Variants in NTRK1 observed in about 807,000 individuals in gnomAD.
NTRK1 encodes neurotrophic receptor tyrosine kinase 1, also known as high affinity nerve growth factor receptor.
Under a neutral mutation model 86.8 loss-of-function variants are expected in NTRK1, and 62 were observed. The observed-to-expected ratio is 0.71, with a 90% CI of 0.58 to 0.88. The LOEUF (loss-of-function observed/expected upper bound fraction) is 0.88, where lower values mean the gene tolerates loss of function less well. Among genes scored for constraint, NTRK1 ranks in the 40% least tolerant of loss-of-function variants. The pLI, the probability that NTRK1 is intolerant of heterozygous loss-of-function variation, is 0.00. For synonymous variants in NTRK1, 469 were observed against 456.6 expected (o/e 1.03, Z -0.35); for missense variants, 967 against 1,078.4 (o/e 0.90, Z 1.45).
Position 156,875,629 on chromosome 1 carries a change from C to A in NTRK1, c.1464C>A (p.Gly488=), listed in dbSNP as rs1647856817. 1 of 1,613,424 alleles carries A rather than the reference C, an allele frequency of 6.2e-7. No individual in the cohort carries two copies. Among genetic ancestry groups the A allele is most frequent in the East Asian group, 2.2e-5 (1 of 44,818 alleles). The change falls in exon 12 of 17, where the codon GGC becomes GGA. Residue 488 remains glycine (G), a synonymous_variant. Coordinates refer to ENST00000524377, the MANE Select transcript of NTRK1 (RefSeq NM_002529.4). ...AGGGCAAAGGCTCTGGGCTCCAAGG[C>A]CACATCATCGAGAACCCACAATACT... ...PTEGKGSGLQ[G]HIIENPQYFS...
chr1:156,858,566 G>C, upstream of NTRK1: 1 of 1,614,044 alleles, frequency 6.2e-7, no homozygotes, highest in South Asian at 1.1e-5. Context: ...AAATCCCAAG[G>C]AGAGGAAGAT....
intron 16 of NTRK1, 139 bp downstream of exon 16, chr1:156,880,296 C>A (rs1040128273): frequency 6.0e-6 from 5 of 834,820 alleles, no homozygotes; most frequent in East Asian, 5.2e-5. Context: ...CGTGCCCACA[C>A]TGTGTCCCCT....
upstream of NTRK1, chr1:156,858,780 CAG>C: frequency 1.6e-6 from 1 of 628,272 alleles, no homozygotes; most frequent in Middle Eastern, 3.6e-4. Flanking sequence ...CAGCAGGAGA[CAG>C]AAAAAAAGAA....
chr1:156,851,759 C>T lies in NTRK1; in HGVS notation c.50+9566C>T, dbSNP rs771863438. 8.7e-6 allele frequency: 14 copies of T among 1,612,750 alleles called. No homozygotes were observed. In the South Asian group the frequency reaches 8.8e-5, roughly 10 times the overall value. ...GGTGCCTACCTTGCACTCTTTAGGG[C>T]ACAGCCCCTCGCACTTGTGGCAGAA... On this transcript the variant is annotated intron_variant, in intron 2 of 16. Coordinates refer to the NTRK1 transcript ENST00000392302.
At chr1:156,827,371 T>C (rs1416792311) in intron 1 of NTRK1, among the ~76,000 whole-genome samples, 1 of 152,108 alleles carries the variant, frequency 6.6e-6, no homozygotes, top group East Asian at 1.9e-4. Flanking sequence ...TAAGGGATTC[T>C]TTTGCCTCAG....
rs969556515 is a variant in NTRK1 at position 156,843,338 on chromosome 1, C to A, written c.50+1145C>A. ...TGAAGGGCTCTTGTCCCAAGGCTAT[C>A]TTCTGCAAGAAGGTCTTCTGGAAGT... On this transcript the variant is annotated intron_variant, in intron 2 of 16. Transcript: ENST00000392302. 3.2e-6 allele frequency: 5 copies of A among 1,572,940 alleles called. No individual in the cohort carries two copies. The African/African-American group carries it at 6.8e-5, about 21-fold the overall frequency.
At chr1:156,836,031 C>T (rs1654590278) in intron 1 of NTRK1, among the ~76,000 whole-genome samples, 1 of 152,170 alleles carries the variant, frequency 6.6e-6, no homozygotes, top group Non-Finnish European at 1.5e-5. Flanking sequence ...TCAGAATTTC[C>T]TCCTGGCTGC....
intron 4 of NTRK1, 62 bp downstream of exon 4, chr1:156,867,040 G>A (rs576689348): frequency 6.5e-7 from 1 of 1,547,604 alleles, no homozygotes. Flanking sequence ...GTGCACTTGG[G>A]TCTGTTGGAT....
intron 10 of NTRK1, 37 bp from the exon 11 acceptor site, chr1:156,874,869 G>A (rs2102911655): frequency 6.8e-7 from 1 of 1,469,212 alleles, no homozygotes; most frequent in Non-Finnish European, 9.5e-7. Flanking sequence ...GAGTACAGGA[G>A]GAGCCCCTGG....
chr1:156,816,093 C>A, intron 1 of NTRK1: 1 of 1,612,546 alleles, frequency 6.2e-7, no homozygotes. Context: ...CTTCGTGACT[C>A]CCTGTGAGCA....
At chr1:156,871,789 CT>C in intron 7 of NTRK1, 34 bp downstream of exon 7, 3 of 1,613,822 alleles carry the variant, frequency 1.9e-6, no homozygotes, top group Non-Finnish European at 2.5e-6. Flanking sequence ...CACCCACCCC[CT>C]ACTCATCTCT....
intron 1 of NTRK1, among the ~76,000 whole-genome samples, chr1:156,833,525 C>A (rs1184583273): frequency 6.6e-6 from 1 of 151,544 alleles, no homozygotes; most frequent in African/African-American, 2.4e-5. Context: ...CCACTGCACT[C>A]CAGCCTGGGC....
intron 16 of NTRK1, 21 bp downstream of exon 16, chr1:156,880,178 A>G: frequency 6.2e-7 from 1 of 1,611,034 alleles, no homozygotes; most frequent in South Asian, 1.1e-5. Context: ...GCCCATGGTC[A>G]CCCCTTGCTG....
intron 16 of NTRK1, among the ~76,000 whole-genome samples, chr1:156,881,185 C>T (rs1489771597): frequency 6.6e-6 from 1 of 152,222 alleles, no homozygotes; most frequent in Non-Finnish European, 1.5e-5. Context: ...ACCCACCTGG[C>T]AAGTCTTCTT....
At position 156,876,199 on chromosome 1, in the gene NTRK1, G is replaced by A. The variant is rs1426132695; in HGVS notation, c.1621G>A (p.Val541Met). The A allele has an allele frequency of 6.2e-7, 1 of 1,614,096 alleles. No homozygotes were observed. The highest frequency in any genetic ancestry group is 8.5e-7 in the Non-Finnish European group (1 of 1,180,016). Reference protein sequence around the residue: ...NLLPEQDKMLVAVKALKEASE... With the variant: ...NLLPEQDKMLMAVKALKEASE... ...CCTGCCTGAGCAGGACAAGATGCTG[G>A]TGGCTGTCAAGGTGAGACCCTGCCC... Residue 541 changes from valine to methionine, a missense_variant, in exon 13 of 17, where the codon GTG (valine) becomes ATG (methionine). Val to Met is a conservative substitution (Grantham distance 21). Transcript: ENST00000524377.
chr1:156,849,230 G>C, intron 2 of NTRK1: 4 of 1,612,686 alleles, frequency 2.5e-6, no homozygotes, highest in South Asian at 2.2e-5. Context: ...CACCGGCACT[G>C]GGGTTGGGGT....
chr1:156,871,572 C>T (rs1272818502), intron 6 of NTRK1, 51 bp from the exon 7 acceptor site: 46 of 1,609,926 alleles, frequency 2.9e-5, no homozygotes, highest in Non-Finnish European at 3.8e-5. Context: ...CAGCCCCAGC[C>T]CCAAGCTGGC....
At chr1:156,829,013 C>T (rs1211418273) in intron 1 of NTRK1, among the ~76,000 whole-genome samples, 1 of 152,190 alleles carries the variant, frequency 6.6e-6, no homozygotes, top group African/African-American at 2.4e-5. Flanking sequence ...ATGTAGCTGG[C>T]AGTGCCAGGC....
intron 6 of NTRK1, among the ~76,000 whole-genome samples, chr1:156,869,058 T>A (rs1025564574): frequency 6.7e-6 from 1 of 148,640 alleles, no homozygotes. Flanking sequence ...CTTCCTTCCT[T>A]CCTTCCTTCC....
Sources: gnomAD v4.1 joint callset for allele counts (sites outside exome capture counted in the v4.1 genomes callset) on GRCh38, gnomAD v4.1.1 for gene constraint, MANE v1.5 for transcripts, NCBI Gene and HGNC (gene_info 2026-07-23, HGNC 2026-07-21) for gene names.